PCDHA6: variants seen among roughly 807,000 people sequenced by gnomAD.
PCDHA6 encodes the protein protocadherin alpha 6, also known as protocadherin alpha-6.
Under a neutral mutation model 60.3 loss-of-function variants are expected in PCDHA6, and 55 were observed. The ratio of observed to expected loss-of-function variants is 0.91; its 90% CI spans 0.73 to 1.14. The LOEUF is 1.14. PCDHA6 is among the 50% of genes most tolerant of loss of function. The pLI is 0.00. For synonymous variants in PCDHA6, 652 were observed against 557.9 expected (o/e 1.17, Z -2.38); for missense variants, 1,327 against 1,256.5 (o/e 1.06, Z -0.85).
intron 3 of PCDHA6, 115 bp downstream of exon 3, chr5:140,982,678 C>G: frequency 6.9e-7 from 1 of 1,438,900 alleles, no homozygotes; most frequent in East Asian, 2.5e-5. Context: ...TTTGTTATTC[C>G]CTTTTTTCCA....
chr5:140,873,568 G>T (rs1319513835), intron 1 of PCDHA6, among the ~76,000 whole-genome samples: 1 of 149,090 alleles, frequency 6.7e-6, no homozygotes, highest in East Asian at 1.9e-4. Context: ...TTTCTAGTTT[G>T]GTTGTTTAAG....
In PCDHA6 at chr5:140,928,306, C is replaced by T. The variant is rs782598364; in HGVS notation, c.2395-50643C>T. 7.6e-5 allele frequency: 122 copies of T among 1,613,984 alleles called. No individual in the cohort carries two copies. The highest frequency in any genetic ancestry group is 1.8e-4 in the Admixed American group (11 of 60,002). ...TCTAGGCCGAGTGTTTGCCCAGGAC[C>T]CCGACCTGGGGAAGAATGGCCTTGT... is the stretch of plus-strand genomic sequence containing the variant. On this transcript the variant is annotated intron_variant, in intron 1 of 3. Coordinates refer to ENST00000529310, the MANE Select transcript of PCDHA6 (RefSeq NM_018909.4).
intron 1 of PCDHA6, among the ~76,000 whole-genome samples, chr5:140,948,536 C>T (rs2094269261): frequency 6.6e-6 from 1 of 151,548 alleles, no homozygotes; most frequent in Admixed American, 6.6e-5. Context: ...TATTTTATTT[C>T]ATGCTCTGTC....
chr5:140,884,352 A>C, intron 1 of PCDHA6: 1 of 1,613,828 alleles, frequency 6.2e-7, no homozygotes, highest in African/African-American at 1.3e-5. Context: ...GCGCTGGTGG[A>C]TGTCAATGTT....
intron 1 of PCDHA6, among the ~76,000 whole-genome samples, chr5:140,932,575 G>A (rs1554208974): frequency 6.6e-6 from 1 of 151,674 alleles, no homozygotes; most frequent in South Asian, 2.1e-4. Context: ...TTTCCCATAG[G>A]GTAATTAGAT....
In PCDHA6 at chr5:140,856,281, T is replaced by C. The variant is rs782635462; in HGVS notation, c.2394+25796T>C. On this transcript the variant is annotated intron_variant, in intron 1 of 3. Transcript: ENST00000529310. The stretch of plus-strand genomic sequence containing the variant: ...CACGGGGACCTTCTGGAGGTAAATC[T>C]GCAGAATGGCATTTTGTTTGTGAAT... 8.1e-6 allele frequency: 13 copies of C among 1,598,288 alleles called. 1 individual carries two copies. Among genetic ancestry groups the C allele is most frequent in the Non-Finnish European group, 1.1e-5 (13 of 1,168,008 alleles).
At position 140,858,244 on chromosome 5, in the gene PCDHA6, G is replaced by T. The variant is rs782743084; in HGVS notation, c.2394+27759G>T. The T allele has an allele frequency of 1.9e-5, 30 of 1,595,808 alleles. 1 individual carries two copies. The highest frequency in any genetic ancestry group is 3.4e-4 in the Middle Eastern group (2 of 5,896). On this transcript the variant is annotated intron_variant, in intron 1 of 3. Transcript: ENST00000529310. Reference sequence around the variant, plus strand: ...CGCCCACCGAGGGCGCATGTGGGCCGGTGAAGCCCACGCTGGTGTGCTCTA... The same window carrying T: ...CGCCCACCGAGGGCGCATGTGGGCCTGTGAAGCCCACGCTGGTGTGCTCTA...
intron 1 of PCDHA6, among the ~76,000 whole-genome samples, chr5:140,945,740 C>A (rs966678098): frequency 5.9e-5 from 9 of 151,998 alleles, no homozygotes; most frequent in African/African-American, 2.2e-4. Flanking sequence ...AAAAGGACAG[C>A]CTCTTCAATA....
chr5:140,994,747 G>A (rs2097648455), intron 3 of PCDHA6, among the ~76,000 whole-genome samples: 1 of 152,152 alleles, frequency 6.6e-6, no homozygotes, highest in Non-Finnish European at 1.5e-5. Context: ...ATGGCAAGTA[G>A]GATGTGGAGA....
In PCDHA6 at chr5:140,987,930, G is replaced by T. The variant is rs554856826; in HGVS notation, c.2542+5367G>T. Among the ~76,000 whole-genome samples, 18 of 152,196 alleles carry T rather than the reference G, an allele frequency of 1.2e-4. No individual in the cohort carries two copies. The South Asian group carries it at 2.1e-3, about 18-fold the overall frequency. Reference sequence around the variant, plus strand: ...GATTTATATTCTTAATTGTCTCAAGGATTCTTACCTGTCTGACAAAACCAA... The same window carrying T: ...GATTTATATTCTTAATTGTCTCAAGTATTCTTACCTGTCTGACAAAACCAA... On this transcript the variant is annotated intron_variant, in intron 3 of 3. Transcript: ENST00000529310.
chr5:140,995,883 A>C (rs892876266), intron 3 of PCDHA6, among the ~76,000 whole-genome samples: 2 of 152,232 alleles, frequency 1.3e-5, no homozygotes, highest in Admixed American at 6.5e-5. Flanking sequence ...CCTGTGCTTC[A>C]GATTTATCAA....
Position 140,850,862 on chromosome 5 carries a change from C to G in PCDHA6, c.2394+20377C>G, listed in dbSNP as rs2150500833. 5.6e-6 allele frequency: 9 copies of G among 1,592,960 alleles called. 1 individual carries two copies. In the South Asian group the frequency reaches 1.0e-4, roughly 18 times the overall value. Reference sequence around the variant, plus strand: ...GATCTACAGAGCGAACGGGAGAACCCTCTGCTTCCTCAGATTCAACTGGGA... The same window carrying G: ...GATCTACAGAGCGAACGGGAGAACCGTCTGCTTCCTCAGATTCAACTGGGA... On this transcript the variant is annotated intron_variant, in intron 1 of 3. Transcript: ENST00000529310.
At chr5:140,876,775 C>A (rs373638459) in intron 1 of PCDHA6, 3 of 1,614,130 alleles carry the variant, frequency 1.9e-6, no homozygotes, top group Non-Finnish European at 1.7e-6. Flanking sequence ...CTCGCCTTCG[C>A]TGTGGGCCAC....
At chr5:140,862,290 A>G (rs1423685229) in intron 1 of PCDHA6, 3 of 265,086 alleles carry the variant, frequency 1.1e-5, no homozygotes, top group Admixed American at 4.8e-5. Flanking sequence ...GTACAGGAGG[A>G]CGCTCCACTG....
chr5:140,841,787 G>A, intron 1 of PCDHA6: 1 of 1,613,878 alleles, frequency 6.2e-7, no homozygotes, highest in Non-Finnish European at 8.5e-7. Context: ...TCCGCTAGAG[G>A]GCGCGTCCGA....
Position 140,850,172 on chromosome 5 carries a change from C to T in PCDHA6, c.2394+19687C>T, listed in dbSNP as rs2150470572. The T allele has an allele frequency of 5.0e-6, 8 of 1,594,262 alleles. 1 individual carries two copies. In the Admixed American group the frequency reaches 6.7e-5, roughly 13 times the overall value. On this transcript the variant is annotated intron_variant, in intron 1 of 3. Coordinates refer to ENST00000529310, the MANE Select transcript of PCDHA6 (RefSeq NM_018909.4). The stretch of plus-strand genomic sequence containing the variant: ...TGCAGGTGTTCGTGCTGGACGAGAA[C>T]GACAATGCGCCGGCGCTGCTGACAC...
At chr5:141,004,935 A>C (rs1554259817) in intron 3 of PCDHA6, among the ~76,000 whole-genome samples, 1 of 152,112 alleles carries the variant, frequency 6.6e-6, no homozygotes, top group African/African-American at 2.4e-5. Flanking sequence ...GAGAGAAGAA[A>C]ATTTCTTACC....
intron 3 of PCDHA6, among the ~76,000 whole-genome samples, chr5:141,004,974 G>T (rs557503446): frequency 6.6e-6 from 1 of 152,302 alleles, no homozygotes; most frequent in South Asian, 2.1e-4. Context: ...CTGTAAATTT[G>T]CAGTATCATT....
At chr5:140,968,228 C>T in intron 1 of PCDHA6, 1 of 1,614,010 alleles carries the variant, frequency 6.2e-7, no homozygotes, top group East Asian at 2.2e-5. Flanking sequence ...AGGTGTGTTG[C>T]TCTGTACTGT....
Sources: allele counts gnomAD v4.1 joint callset (sites outside exome capture counted in the v4.1 genomes callset), GRCh38; gene constraint gnomAD v4.1.1; transcripts MANE v1.5; gene names NCBI Gene and HGNC (gene_info 2026-07-23, HGNC 2026-07-21).